PRKN: variants seen among roughly 807,000 people sequenced by gnomAD.
The protein encoded by PRKN is E3 ubiquitin-protein ligase parkin.
PRKN carries 56 observed loss-of-function variants against 59.5 expected under a neutral mutation model. The ratio of observed to expected loss-of-function variants is 0.94; its 90% CI spans 0.76 to 1.18. The LOEUF (loss-of-function observed/expected upper bound fraction) is 1.18, where lower values mean the gene tolerates loss of function less well. Among genes scored for constraint, PRKN ranks in the 50% most tolerant of loss-of-function variants. The pLI, the probability that PRKN is intolerant of heterozygous loss-of-function variation, is 0.00. For missense variants in PRKN, 657 were observed against 596.4 expected (o/e 1.10, Z -1.06); for synonymous variants, 250 against 222.1 (o/e 1.13, Z -1.12).
At chr6:162,340,709 G>C (rs1784141573) in intron 2 of PRKN, among the ~76,000 whole-genome samples, 1 of 152,172 alleles carries the variant, frequency 6.6e-6, no homozygotes, top group South Asian at 2.1e-4. Context: ...ACGGTGTTGG[G>C]AAAACTGGCT....
chr6:162,587,853 GCAGA>G (rs1198240559), intron 1 of PRKN, among the ~76,000 whole-genome samples: 5 of 152,038 alleles, frequency 3.3e-5, no homozygotes, highest in Non-Finnish European at 7.4e-5. Flanking sequence ...GAATTATCAT[GCAGA>G]ATAAAGGGAG....
At chr6:161,667,533 C>T (rs916274027) in intron 7 of PRKN, among the ~76,000 whole-genome samples, 2 of 152,186 alleles carry the variant, frequency 1.3e-5, no homozygotes, top group Non-Finnish European at 2.9e-5. Flanking sequence ...TTGTTAATAT[C>T]CTTGTTAGAG....
intron 9 of PRKN, among the ~76,000 whole-genome samples, chr6:161,406,551 A>T (rs1469007423): frequency 6.6e-6 from 1 of 152,154 alleles, no homozygotes; most frequent in African/African-American, 2.4e-5. Context: ...CAGTAACCAC[A>T]GGATTTTGAG....
chr6:162,556,342 G>GGGGTGTGTGT (rs1175202893), intron 1 of PRKN, among the ~76,000 whole-genome samples: 3,059 of 57,120 alleles, frequency 0.054, 211 homozygotes, highest in Non-Finnish European at 0.07. Context: ...CTACTCAGCT[G>GGGGTGTGTGT]GTGTGTGTGT....
chr6:162,371,913 G>C (rs1450746452), intron 2 of PRKN, among the ~76,000 whole-genome samples: 2 of 152,172 alleles, frequency 1.3e-5, no homozygotes, highest in African/African-American at 4.8e-5. Context: ...TGAAATGAAT[G>C]AGCTTGCTGA....
Position 161,593,034 on chromosome 6 carries a change from A to G in PRKN, c.872-23618T>C, listed in dbSNP as rs1442590244. On this transcript the variant is annotated intron_variant, in intron 7 of 11. Coordinates refer to ENST00000366898, the MANE Select transcript of PRKN (RefSeq NM_004562.3). This position sits in a 1 kb window ranked among gnomAD's most constrained non-coding sequence, Gnocchi z 4.8. Reference sequence around the variant, plus strand: ...TGAGATTTACAGAAGAGTTGTAACGACTGCACAGAGCGTCCTCAGATGCGC... The same window carrying G: ...TGAGATTTACAGAAGAGTTGTAACGGCTGCACAGAGCGTCCTCAGATGCGC... Among the ~76,000 whole-genome samples the G allele has an allele frequency of 6.6e-6, 1 of 152,192 alleles. No individual in the cohort carries two copies. Among genetic ancestry groups the G allele is most frequent in the Non-Finnish European group, 1.5e-5 (1 of 68,034 alleles).
rs1406943473 is a variant in PRKN at position 161,554,727 on chromosome 6, T to TGC, written c.934-5725_934-5724insGC. On this transcript the variant is annotated intron_variant, in intron 8 of 11. Transcript: ENST00000366898. This position sits in a 1 kb window ranked among gnomAD's most constrained non-coding sequence, Gnocchi z 4.5. ...CATACAGGGATTGTGTGTGTGTGTG[T>TGC]GTGTGTGTATATATATATATATATA... is the stretch of plus-strand genomic sequence containing the variant. 7.2e-6 allele frequency among the ~76,000 whole-genome samples: 1 copy of TGC among 138,374 alleles called. No homozygotes were observed. Among genetic ancestry groups the TGC allele is most frequent in the Admixed American group, 8.0e-5 (1 of 12,552 alleles). 90.8% of individuals were successfully genotyped at this position (138,374 alleles called of 152,430 possible). A position where few individuals can be genotyped will look rare whatever the true frequency, so the allele number is the denominator to read the frequency against.
At chr6:162,584,251 A>AACAAAAC (rs1554249277) in intron 1 of PRKN, among the ~76,000 whole-genome samples, 6 of 121,100 alleles carry the variant, frequency 5.0e-5, no homozygotes, top group Admixed American at 8.9e-5. Flanking sequence ...AAAAACAAAA[A>AACAAAAC]AAAAAAAAAC....
intron 1 of PRKN, among the ~76,000 whole-genome samples, chr6:162,444,291 C>T (rs1233774142): frequency 6.6e-6 from 1 of 152,080 alleles, no homozygotes; most frequent in African/African-American, 2.4e-5. Flanking sequence ...TCCACGCCAT[C>T]ACCTCCAAAA....
chr6:161,758,733 C>A (rs1789057756), intron 7 of PRKN, among the ~76,000 whole-genome samples: 1 of 152,132 alleles, frequency 6.6e-6, no homozygotes, highest in African/African-American at 2.4e-5. Context: ...GATGATAGAT[C>A]AGGAAGTCAA....
chr6:162,018,185 C>A (rs1227657697), intron 5 of PRKN, among the ~76,000 whole-genome samples: 2 of 152,130 alleles, frequency 1.3e-5, no homozygotes, highest in East Asian at 3.9e-4. Context: ...CATCGCCATG[C>A]CCGGCTAATT....
At chr6:162,625,698 A>ATGTG (rs750285926) in intron 1 of PRKN, among the ~76,000 whole-genome samples, 3 of 151,232 alleles carry the variant, frequency 2.0e-5, no homozygotes, top group African/African-American at 7.3e-5. Context: ...ATGTATATAT[A>ATGTG]TGTGTGTGTG....
intron 11 of PRKN, among the ~76,000 whole-genome samples, chr6:161,351,478 A>C (rs1334989960): frequency 6.6e-6 from 1 of 151,652 alleles, no homozygotes; most frequent in Non-Finnish European, 1.5e-5. Flanking sequence ...GCGCCCACCA[A>C]CATGCCCAGC....
intron 5 of PRKN, 78 bp from the exon 6 acceptor site, chr6:161,973,495 A>G (rs991257817): frequency 1.5e-5 from 12 of 786,300 alleles, no homozygotes; most frequent in Non-Finnish European, 2.2e-5. Flanking sequence ...ACAGTAAACA[A>G]TCTCTTTGGA....
At chr6:162,686,184 A>T (rs1050778152) in intron 1 of PRKN, among the ~76,000 whole-genome samples, 1 of 152,206 alleles carries the variant, frequency 6.6e-6, no homozygotes, top group Non-Finnish European at 1.5e-5. Context: ...ATGAAAAACT[A>T]TATTTTAAGT....
intron 4 of PRKN, among the ~76,000 whole-genome samples, chr6:162,143,028 A>G (rs1257743884): frequency 1.3e-5 from 2 of 152,366 alleles, no homozygotes; most frequent in Middle Eastern, 6.8e-3. Flanking sequence ...CACGTAATAC[A>G]TGGCCAATTG....
intron 1 of PRKN, among the ~76,000 whole-genome samples, chr6:162,584,590 A>G (rs1253990868): frequency 1.3e-5 from 2 of 152,112 alleles, no homozygotes; most frequent in Non-Finnish European, 2.9e-5. Flanking sequence ...TCATTAATTT[A>G]TGCTTGTATA....
chr6:162,448,390 G>C (rs1022620051), intron 1 of PRKN, among the ~76,000 whole-genome samples: 1 of 151,834 alleles, frequency 6.6e-6, no homozygotes, highest in African/African-American at 2.4e-5. Flanking sequence ...TTATCACCCT[G>C]GTCTCCATTT....
intron 2 of PRKN, among the ~76,000 whole-genome samples, chr6:162,348,563 G>T (rs1024055846): frequency 6.6e-6 from 1 of 152,066 alleles, no homozygotes; most frequent in Non-Finnish European, 1.5e-5. Context: ...GTAAATCAGA[G>T]TCAAAATCAA....
Sources: gnomAD v4.1 joint callset for allele counts (sites outside exome capture counted in the v4.1 genomes callset) on GRCh38, gnomAD v4.1.1 for gene constraint, Gnocchi (gnomAD v3.1) non-coding constraint, MANE v1.5 for transcripts, NCBI Gene and HGNC (gene_info 2026-07-23, HGNC 2026-07-21) for gene names.